RPTOR: variants seen among roughly 807,000 people sequenced by gnomAD.
RPTOR encodes regulatory associated protein of MTOR complex 1, also known as regulatory-associated protein of mTOR.
A neutral mutation model predicts 169.9 loss-of-function variants in RPTOR; 21 were observed. That is an observed-to-expected ratio of 0.12 (90% CI 0.09 to 0.18). RPTOR has a LOEUF of 0.18. RPTOR is among the 10% of genes least tolerant of loss of function. The pLI is 1.00. For missense variants in RPTOR, 1,133 were observed against 1,855.9 expected (o/e 0.61, Z 7.16); for synonymous variants, 732 against 753.2 (o/e 0.97, Z 0.46).
chr17:80,794,227 TATCTCAA>T (rs2067078426), intron 7 of RPTOR, among the ~76,000 whole-genome samples: 2 of 152,054 alleles, frequency 1.3e-5, no homozygotes, highest in African/African-American at 4.8e-5. Context: ...TGTATAAAGA[TATCTCAA>T]AACTCAAAAA....
intron 2 of RPTOR, among the ~76,000 whole-genome samples, chr17:80,637,609 A>G (rs946832434): frequency 6.6e-6 from 1 of 152,074 alleles, no homozygotes; most frequent in Non-Finnish European, 1.5e-5. Context: ...CGCGTGCCCC[A>G]CTCTTGGGGA....
chr17:80,891,299 G>A (rs1325222859), intron 17 of RPTOR, among the ~76,000 whole-genome samples: 4 of 152,272 alleles, frequency 2.6e-5, no homozygotes, highest in Admixed American at 1.3e-4. Context: ...GCCCTGGGGC[G>A]CTCAGATTCA....
At chr17:80,848,962 G>A (rs1335483551) in intron 11 of RPTOR, among the ~76,000 whole-genome samples, 1 of 152,200 alleles carries the variant, frequency 6.6e-6, no homozygotes, top group Admixed American at 6.5e-5. Flanking sequence ...TTTCCAGCAG[G>A]TGTGAGTGGC....
intron 6 of RPTOR, among the ~76,000 whole-genome samples, chr17:80,767,800 C>A (rs796519633): frequency 2.2e-4 from 33 of 152,174 alleles, no homozygotes; most frequent in African/African-American, 7.7e-4. Flanking sequence ...GCACCTGGGG[C>A]CTTTTACAAA....
chr17:80,841,892 C>T (rs1240275405), intron 10 of RPTOR, among the ~76,000 whole-genome samples: 4 of 118,092 alleles, frequency 3.4e-5, no homozygotes, highest in Non-Finnish European at 6.9e-5. Context: ...TCACTCTTAC[C>T]GCACGGCAGC....
intron 1 of RPTOR, 66 bp from the exon 2 acceptor site, chr17:80,625,625 C>A: frequency 1.6e-6 from 2 of 1,272,244 alleles, no homozygotes; most frequent in East Asian, 2.3e-5. Context: ...ATTTTAAAAG[C>A]TGGAAAAACA....
intron 6 of RPTOR, among the ~76,000 whole-genome samples, chr17:80,778,223 T>C (rs1442243475): frequency 6.6e-6 from 1 of 152,224 alleles, no homozygotes; most frequent in Non-Finnish European, 1.5e-5. Flanking sequence ...GAGCCGCTGT[T>C]AGGAGCCTGA....
intron 19 of RPTOR, among the ~76,000 whole-genome samples, chr17:80,893,247 TGCCAGGGTGTGTGC>T (rs1381625585): frequency 6.6e-6 from 1 of 150,994 alleles, no homozygotes; most frequent in Non-Finnish European, 1.5e-5. Context: ...GGGGCGTGTG[TGCCAGGGTGTGTGC>T]GCCAGGGTGC....
intron 3 of RPTOR, among the ~76,000 whole-genome samples, chr17:80,655,211 G>A (rs999179235): frequency 5.9e-5 from 9 of 151,984 alleles, no homozygotes; most frequent in South Asian, 4.2e-4. Flanking sequence ...TCAGCCTCCC[G>A]AATAGCTGGG....
rs144355577 is a variant in RPTOR, at chr17:80,708,610, G to A, written c.507+611G>A. On this transcript the variant is annotated intron_variant, in intron 4 of 33. Coordinates refer to ENST00000306801, the MANE Select transcript of RPTOR (RefSeq NM_020761.3). The surrounding 1 kb of genome is among the most constrained non-coding windows in gnomAD (Gnocchi z 4.2). Reference sequence around the variant, plus strand: ...TGTTGTCCCCACCCTCCAGGGTGTGGTGGGTGCTGACTGTCTCCTCATCCT... The same window carrying A: ...TGTTGTCCCCACCCTCCAGGGTGTGATGGGTGCTGACTGTCTCCTCATCCT... Among the ~76,000 whole-genome samples, 31 of 141,080 alleles carry A rather than the reference G, an allele frequency of 2.2e-4. No individual in the cohort carries two copies. In the East Asian group the frequency reaches 6.2e-3, roughly 28 times the overall value. The allele number at this position is 141,080 out of a possible 152,430, so 92.6% of individuals were successfully genotyped here.
At chr17:80,634,413 TGC>T (rs2065475631) in intron 2 of RPTOR, among the ~76,000 whole-genome samples, 1 of 138,870 alleles carries the variant, frequency 7.2e-6, no homozygotes, top group South Asian at 2.5e-4. Context: ...CGTGTGTGTG[TGC>T]ATACCGTGTG....
intron 5 of RPTOR, among the ~76,000 whole-genome samples, chr17:80,733,334 C>A (rs926321170): frequency 6.6e-6 from 1 of 152,166 alleles, no homozygotes; most frequent in Non-Finnish European, 1.5e-5. Context: ...CAAGTCTCTC[C>A]GCTTTCAGTC....
chr17:80,546,641 G>T (rs1226887809), intron 1 of RPTOR, among the ~76,000 whole-genome samples: 2 of 152,118 alleles, frequency 1.3e-5, no homozygotes, highest in African/African-American at 4.8e-5. Flanking sequence ...GCTTTTATTT[G>T]CACATTTCAG....
At chr17:80,658,329 C>G (rs1181571932) in intron 3 of RPTOR, among the ~76,000 whole-genome samples, 1 of 152,080 alleles carries the variant, frequency 6.6e-6, no homozygotes, top group East Asian at 1.9e-4. Flanking sequence ...TTAGTTTCTG[C>G]ATATTTTACC....
intron 33 of RPTOR, 69 bp from the exon 34 acceptor site, chr17:80,964,193 G>GCGC (rs2069392359): frequency 8.6e-7 from 1 of 1,159,986 alleles, no homozygotes; most frequent in African/African-American, 1.5e-5. Flanking sequence ...GGGTTGGCCT[G>GCGC]CGCCCCCCCG....
chr17:80,735,269 C>T (rs1163211664), intron 5 of RPTOR, among the ~76,000 whole-genome samples: 1 of 151,390 alleles, frequency 6.6e-6, no homozygotes, highest in African/African-American at 2.4e-5. Flanking sequence ...AGGCAATTTT[C>T]ACTCTTCCAG....
At chr17:80,596,341 G>T (rs1164533736) in intron 1 of RPTOR, among the ~76,000 whole-genome samples, 4 of 152,160 alleles carry the variant, frequency 2.6e-5, no homozygotes, top group Non-Finnish European at 1.5e-5. Flanking sequence ...TAAACCTGTT[G>T]TAACACTGTG....
rs556895532 is a variant in RPTOR, at chr17:80,861,967, G to A, written c.1509+4067G>A. Among the ~76,000 whole-genome samples the A allele has an allele frequency of 5.3e-5, 8 of 152,260 alleles. No individual in the cohort carries two copies. In the South Asian group the frequency reaches 1.2e-3, roughly 24 times the overall value. ...TTGTTTAAAACTGGCTCTTGGTCCC[G>A]TGGATCTCCCAGGGCCTGTTGCTCT... On this transcript the variant is annotated intron_variant, in intron 13 of 33. Coordinates refer to ENST00000306801, the MANE Select transcript of RPTOR (RefSeq NM_020761.3). This position sits in a 1 kb window ranked among gnomAD's most constrained non-coding sequence, Gnocchi z 4.5.
At chr17:80,735,899 C>A (rs1017409268) in intron 5 of RPTOR, among the ~76,000 whole-genome samples, 1 of 152,064 alleles carries the variant, frequency 6.6e-6, no homozygotes, top group East Asian at 1.9e-4. Context: ...CTGGCCGGTG[C>A]GGTGGCTCAC....
Sources: allele counts gnomAD v4.1 joint callset (sites outside exome capture counted in the v4.1 genomes callset), GRCh38; gene constraint gnomAD v4.1.1; non-coding constraint Gnocchi (gnomAD v3.1); transcripts MANE v1.5; gene names NCBI Gene and HGNC (gene_info 2026-07-23, HGNC 2026-07-21).